FTO: variants seen among roughly 807,000 people sequenced by gnomAD.
FTO encodes the protein alpha-ketoglutarate-dependent dioxygenase FTO.
FTO carries 47 observed loss-of-function variants against 63.9 expected under a neutral mutation model. The observed-to-expected ratio is 0.74, with a 90% confidence interval of 0.58 to 0.94. FTO has a LOEUF of 0.94. Among genes scored for constraint, FTO ranks in the 40% least tolerant of loss-of-function variants. The probability of loss-of-function intolerance (pLI) is 0.00; values close to 1 mark genes in which losing one functional copy is unlikely to be tolerated. For synonymous variants in FTO, 207 were observed against 224.4 expected (o/e 0.92, Z 0.69); for missense variants, 562 against 618.1 (o/e 0.91, Z 0.96).
At chr16:53,801,786 G>T (rs1228662689) in intron 1 of FTO, among the ~76,000 whole-genome samples, 1 of 150,156 alleles carries the variant, frequency 6.7e-6, no homozygotes, top group East Asian at 2.0e-4. Flanking sequence ...TTGAAACAGA[G>T]TCTGACTCAG....
intron 1 of FTO, among the ~76,000 whole-genome samples, chr16:53,762,705 G>GAAAATA (rs1156846734): frequency 6.6e-6 from 1 of 152,062 alleles, no homozygotes; most frequent in Middle Eastern, 3.2e-3. Context: ...AAAGGAAAAG[G>GAAAATA]AAAATAAAGA....
intron 8 of FTO, among the ~76,000 whole-genome samples, chr16:54,097,171 A>G (rs748535745): frequency 1.3e-5 from 2 of 152,150 alleles, no homozygotes; most frequent in African/African-American, 2.4e-5. Context: ...TCAAGCCCTC[A>G]TTGTACAGAT....
At chr16:53,977,234 A>G (rs887526266) in intron 8 of FTO, among the ~76,000 whole-genome samples, 2 of 152,120 alleles carry the variant, frequency 1.3e-5, no homozygotes, top group African/African-American at 2.4e-5. Context: ...GAGGTTATCT[A>G]CTGAGATGAT....
chr16:54,083,632 G>A (rs545629686), intron 8 of FTO, among the ~76,000 whole-genome samples: 11 of 152,180 alleles, frequency 7.2e-5, no homozygotes, highest in Middle Eastern at 3.4e-3. Flanking sequence ...AAGAAGTTCT[G>A]CACTTTGCCT....
chr16:54,118,195 T>C lies in FTO; in HGVS notation c.*6280T>C, dbSNP rs1419998937. The C allele has an allele frequency of 6.6e-6, 1 of 152,160 alleles. No individual in the cohort carries two copies. Among genetic ancestry groups the C allele is most frequent in the Non-Finnish European group, 1.5e-5 (1 of 68,036 alleles). 9.4% of individuals were successfully genotyped at this position (152,160 alleles called of 1,614,324 possible). A position where few individuals can be genotyped will look rare whatever the true frequency, so the allele number is the denominator to read the frequency against. On this transcript the variant is annotated 3_prime_UTR_variant, in exon 9 of 9. Coordinates refer to ENST00000471389, the MANE Select transcript of FTO (RefSeq NM_001080432.3). ...TTTCCTGCTGAGAGATGGGAAGTGCTGGCCTAGGACAGCAAGGTGCCCTAC... is the reference window on the plus strand; with the variant it reads ...TTTCCTGCTGAGAGATGGGAAGTGCCGGCCTAGGACAGCAAGGTGCCCTAC...
At chr16:53,986,310 G>A (rs2143857686) in intron 8 of FTO, among the ~76,000 whole-genome samples, 1 of 152,244 alleles carries the variant, frequency 6.6e-6, no homozygotes, top group East Asian at 1.9e-4. Context: ...GGTTAAACAG[G>A]TTCGAGTTTT....
chr16:53,708,449 A>G (rs1449031248), intron 1 of FTO, among the ~76,000 whole-genome samples: 1 of 151,950 alleles, frequency 6.6e-6, no homozygotes, highest in Non-Finnish European at 1.5e-5. Context: ...ATTTGTTTCT[A>G]CATTTTGACT....
intron 1 of FTO, among the ~76,000 whole-genome samples, chr16:53,708,377 A>G (rs2075678680): frequency 6.6e-6 from 1 of 152,098 alleles, no homozygotes; most frequent in African/African-American, 2.4e-5. Context: ...AAAAAAAAAA[A>G]GAATTCCAGT....
At chr16:53,830,835 G>T (rs1333155884) in intron 3 of FTO, among the ~76,000 whole-genome samples, 1 of 146,872 alleles carries the variant, frequency 6.8e-6, no homozygotes, top group Non-Finnish European at 1.5e-5. Context: ...GGCAGAGGTT[G>T]CAGTGAGCTG....
intron 8 of FTO, among the ~76,000 whole-genome samples, chr16:53,947,320 T>C (rs561205612): frequency 3.3e-5 from 5 of 152,350 alleles, no homozygotes; most frequent in African/African-American, 1.2e-4. Context: ...TCTGTATTCA[T>C]TACTTTACAG....
intron 3 of FTO, among the ~76,000 whole-genome samples, chr16:53,841,257 CT>C (rs2079469050): frequency 6.6e-6 from 1 of 151,240 alleles, no homozygotes; most frequent in African/African-American, 2.4e-5. Flanking sequence ...GTCATGTCCC[CT>C]GATATAAAGG....
chr16:53,781,244 A>G (rs1194930687), intron 1 of FTO, among the ~76,000 whole-genome samples: 2 of 152,234 alleles, frequency 1.3e-5, no homozygotes, highest in African/African-American at 2.4e-5. Context: ...AGTTCCTGGT[A>G]TTTGTACTGA....
At chr16:53,877,396 A>G (rs1251319426) in intron 5 of FTO, among the ~76,000 whole-genome samples, 2 of 152,258 alleles carry the variant, frequency 1.3e-5, no homozygotes, top group Admixed American at 1.3e-4. Flanking sequence ...ATGCTACAAC[A>G]TGAATAACTC....
intron 1 of FTO, among the ~76,000 whole-genome samples, chr16:53,724,925 T>C (rs1422530177): frequency 6.6e-6 from 1 of 152,202 alleles, no homozygotes; most frequent in Non-Finnish European, 1.5e-5. Context: ...ATTGAACTTA[T>C]TCAAGTCCAG....
chr16:53,777,661 C>G (rs552664864), intron 1 of FTO, among the ~76,000 whole-genome samples: 1 of 152,302 alleles, frequency 6.6e-6, no homozygotes, highest in East Asian at 1.9e-4. Flanking sequence ...TCACACTCAT[C>G]AGTATCACCA....
intron 3 of FTO, 81 bp from the exon 4 acceptor site, chr16:53,844,073 AT>A: frequency 3.7e-6 from 4 of 1,079,072 alleles, no homozygotes; most frequent in Non-Finnish European, 5.5e-6. Context: ...TAAAATATCA[AT>A]TCTTTCTAAA....
intron 8 of FTO, among the ~76,000 whole-genome samples, chr16:54,055,650 T>C (rs1234931963): frequency 6.6e-6 from 1 of 152,196 alleles, no homozygotes; most frequent in Non-Finnish European, 1.5e-5. Flanking sequence ...AAAAATTCCC[T>C]AGGAAGAAAC....
At chr16:54,045,113 C>A in intron 8 of FTO, among the ~76,000 whole-genome samples, 1 of 51,598 alleles carries the variant, frequency 1.9e-5, no homozygotes, top group Non-Finnish European at 2.9e-5. Context: ...AAAATCAGAG[C>A]AGAACTGAAG....
intron 8 of FTO, chr16:53,979,308 A>G: frequency 2.5e-6 from 1 of 398,000 alleles, no homozygotes; most frequent in Non-Finnish European, 4.4e-6. Context: ...AACAAATTAC[A>G]GGTTCTTGAA....
Sources: gnomAD v4.1 joint callset for allele counts (sites outside exome capture counted in the v4.1 genomes callset) on GRCh38, gnomAD v4.1.1 for gene constraint, MANE v1.5 for transcripts, NCBI Gene and HGNC (gene_info 2026-07-23, HGNC 2026-07-21) for gene names.